Variants in AOPEP observed in about 807,000 individuals in gnomAD.
AOPEP encodes aminopeptidase O (putative), also known as aminopeptidase O.
A neutral mutation model predicts 98.1 loss-of-function variants in AOPEP; 77 were observed. The observed-to-expected ratio is 0.78, with a 90% CI of 0.65 to 0.95. The LOEUF is 0.95. AOPEP is among the 40% of genes least tolerant of loss of function. AOPEP has a pLI of 0.00. For synonymous variants in AOPEP, 346 were observed against 365.3 expected (o/e 0.95, Z 0.60); for missense variants, 1,024 against 1,024.7 (o/e 1.00, Z 0.01).
chr9:94,743,185 GAAGAAGAA>G (rs1564051564), intron 1 of AOPEP, among the ~76,000 whole-genome samples: 28 of 127,240 alleles, frequency 2.2e-4, no homozygotes, highest in African/African-American at 8.6e-4. Context: ...AGAAGAAGAA[GAAGAAGAA>G]GAAGAAGAGG....
intron 3 of AOPEP, among the ~76,000 whole-genome samples, chr9:94,787,450 C>T (rs1844680684): frequency 6.6e-6 from 1 of 152,192 alleles, no homozygotes; most frequent in Non-Finnish European, 1.5e-5. Context: ...CTGCTGTTTC[C>T]ACAAGTATCA....
rs537714889 is a variant in AOPEP at position 95,059,487 on chromosome 9, G to GC, written c.2116-1201dup. Among the ~76,000 whole-genome samples the GC allele has an allele frequency of 4.8e-4, 71 of 149,078 alleles. 1 individual carries two copies. In the South Asian group the frequency reaches 6.3e-3, roughly 13 times the overall value. ...TTGCAGTGCTTGCTGTCTGCCCGTT[G>GC]CCCCCCGCATACCTTTTGGAAAAGT... On this transcript the variant is annotated intron_variant, in intron 13 of 16. Coordinates refer to ENST00000375315, the MANE Select transcript of AOPEP (RefSeq NM_001193329.3).
intron 14 of AOPEP, among the ~76,000 whole-genome samples, chr9:95,077,821 G>C (rs1355607976): frequency 1.3e-5 from 2 of 152,184 alleles, no homozygotes; most frequent in Admixed American, 1.3e-4. Context: ...CGAATGGCAT[G>C]CGAATTGTGG....
At chr9:94,878,799 T>C (rs1472204966) in intron 5 of AOPEP, among the ~76,000 whole-genome samples, 3 of 152,238 alleles carry the variant, frequency 2.0e-5, no homozygotes, top group Admixed American at 2.0e-4. Context: ...TTTCAGCCTT[T>C]CTGTAACTGC....
the AOPEP span, among the ~76,000 whole-genome samples, chr9:95,105,856 C>G: frequency 8.3e-3 from 1,269 of 152,324 alleles, 17 homozygotes; most frequent in African/African-American, 0.029. Context: ...ACAGATCACA[C>G]GGTGCATTGC....
chr9:94,902,893 TA>T, intron 5 of AOPEP, among the ~76,000 whole-genome samples: 1 of 151,940 alleles, frequency 6.6e-6, no homozygotes, highest in Admixed American at 6.5e-5. Context: ...CTGTCTCTAC[TA>T]AAAATACAAA....
chr9:94,881,693 T>G (rs1047111385), intron 5 of AOPEP, among the ~76,000 whole-genome samples: 4 of 152,230 alleles, frequency 2.6e-5, no homozygotes, highest in Non-Finnish European at 5.9e-5. Flanking sequence ...GCAGGAAATA[T>G]TCCTTGCTGT....
intron 15 of AOPEP, among the ~76,000 whole-genome samples, chr9:95,081,911 T>A (rs2069834995): frequency 1.3e-5 from 2 of 152,076 alleles, no homozygotes; most frequent in Non-Finnish European, 2.9e-5. Context: ...AGTAGACAGA[T>A]CCAGATGGGC....
chr9:95,077,851 A>G (rs7049188), intron 14 of AOPEP, among the ~76,000 whole-genome samples: 1,825 of 152,110 alleles, frequency 0.012, 38 homozygotes, highest in African/African-American at 0.041. Flanking sequence ...AGTTTGGGGG[A>G]TAAAAATAAG....
chr9:94,839,404 T>C (rs2042026631), intron 5 of AOPEP, among the ~76,000 whole-genome samples: 1 of 152,122 alleles, frequency 6.6e-6, no homozygotes, highest in Admixed American at 6.5e-5. Flanking sequence ...TTTGTATTCT[T>C]ACTAGAGATG....
intron 16 of AOPEP, chr9:95,083,078 G>C (rs540975108): frequency 8.9e-6 from 2 of 224,236 alleles, no homozygotes; most frequent in South Asian, 6.7e-5. Context: ...AAGCCTGGCA[G>C]AAGCGCTGGT....
intron 7 of AOPEP, among the ~76,000 whole-genome samples, chr9:94,945,175 C>G (rs990077472): frequency 3.3e-5 from 5 of 152,194 alleles, no homozygotes; most frequent in African/African-American, 1.2e-4. Flanking sequence ...AAGCATCCCT[C>G]AAGCACAAGT....
intron 7 of AOPEP, chr9:94,933,038 A>G: frequency 1.0e-6 from 1 of 985,474 alleles, no homozygotes; most frequent in African/African-American, 1.7e-5. Flanking sequence ...TAAGACCCCA[A>G]GGACTCTCCC....
At chr9:94,921,458 A>T (rs1269929947) in intron 5 of AOPEP, 1 of 152,220 alleles carries the variant, frequency 6.6e-6, no homozygotes, top group East Asian at 1.9e-4. Flanking sequence ...AAAGAGAATT[A>T]CTTTTCTTCA....
rs148197446 is a variant in AOPEP, at chr9:94,877,879, T to C, written c.1365-46107T>C. Among the ~76,000 whole-genome samples the C allele has an allele frequency of 1.4e-4, 22 of 152,330 alleles. No individual in the cohort carries two copies. In the East Asian group the frequency reaches 2.9e-3, roughly 20 times the overall value. On this transcript the variant is annotated intron_variant, in intron 5 of 16. Transcript: ENST00000375315. ...TGTTTGGTAACAACCAGGTTATTCA[T>C]TGGAAAAGTTAAAGTGCTGTTTCTA...
chr9:94,733,466 A>T (rs1001197108), intron 1 of AOPEP, among the ~76,000 whole-genome samples: 1 of 152,186 alleles, frequency 6.6e-6, no homozygotes, highest in Non-Finnish European at 1.5e-5. Flanking sequence ...GGCAAATTGT[A>T]ATGTTATGTA....
At chr9:94,731,057 G>C (rs1438693277) in intron 1 of AOPEP, among the ~76,000 whole-genome samples, 1 of 152,156 alleles carries the variant, frequency 6.6e-6, no homozygotes, top group African/African-American at 2.4e-5. Flanking sequence ...TGGAAAAGCA[G>C]CAGCAGGACA....
chr9:94,848,750 A>C (rs2043169392), intron 5 of AOPEP, among the ~76,000 whole-genome samples: 1 of 152,176 alleles, frequency 6.6e-6, no homozygotes, highest in Non-Finnish European at 1.5e-5. Context: ...TAGCCCAGGT[A>C]AAAGGGGAAA....
In AOPEP at chr9:94,974,565, C is replaced by G. The variant is rs142199752; in HGVS notation, c.1917-4802C>G. On this transcript the variant is annotated intron_variant, in intron 10 of 16. Transcript: ENST00000375315. ...AGCTCACTGACGAGCTCTCCTGCTC[C>G]CACACTTTTGCCCCTCCCAAGGGTC... 1.3e-3 allele frequency among the ~76,000 whole-genome samples: 192 copies of G among 152,350 alleles called. 2 individuals are homozygous for G. In the East Asian group the frequency reaches 0.035, roughly 27 times the overall value.
Sources: gnomAD v4.1 joint callset for allele counts (sites outside exome capture counted in the v4.1 genomes callset) on GRCh38, gnomAD v4.1.1 for gene constraint, MANE v1.5 for transcripts, NCBI Gene and HGNC (gene_info 2026-07-23, HGNC 2026-07-21) for gene names.